KIR3DL2: variants seen among roughly 807,000 people sequenced by gnomAD.
KIR3DL2 encodes the protein killer cell immunoglobulin like receptor, three Ig domains and long cytoplasmic tail 2.
A neutral mutation model predicts 41.6 loss-of-function variants in KIR3DL2; 42 were observed. The observed-to-expected ratio is 1.01, with a 90% CI of 0.79 to 1.31. The LOEUF (loss-of-function observed/expected upper bound fraction) is 1.31, where lower values mean the gene tolerates loss of function less well. KIR3DL2 is among the 50% of genes most tolerant of loss of function. The pLI is 0.00. For missense variants in KIR3DL2, 728 were observed against 576.8 expected, an observed-to-expected ratio of 1.26 and a Z score of -2.68; for synonymous variants, 230 against 221.3, an observed-to-expected ratio of 1.04 and a Z score of -0.35.
At chr19:54,864,770 G>A (rs1408251432) in intron 6 of KIR3DL2, among the ~76,000 whole-genome samples, 4 of 151,714 alleles carry the variant, frequency 2.6e-5, no homozygotes, top group Non-Finnish European at 5.9e-5. Context: ...GAGACAATGG[G>A]GTTTTCTATA....
chr19:54,855,295 T>C (rs2064655383), intron 4 of KIR3DL2, among the ~76,000 whole-genome samples: 2 of 151,720 alleles, frequency 1.3e-5, no homozygotes, highest in African/African-American at 2.4e-5. Flanking sequence ...GATAGAAATA[T>C]GCAGAAAGTT....
chr19:54,855,741 G>T lies in KIR3DL2; in HGVS notation c.778G>T (p.Glu260Ter). 2.5e-6 allele frequency: 4 copies of T among 1,613,490 alleles called. No homozygotes were observed. The highest frequency in any genetic ancestry group is 4.5e-5 in the East Asian group (2 of 44,878). ...YDIYHLSREG[E>*]AHERRLRAVP... ...CATCTACCATCTGTCCAGGGAAGGGGAGGCCCATGAACGTAGGCTCCGTGC... is the reference window on the plus strand; with the variant it reads ...CATCTACCATCTGTCCAGGGAAGGGTAGGCCCATGAACGTAGGCTCCGTGC... The change falls in exon 5 of 9, where the codon GAG becomes TAG. Residue 260 changes from glutamate to a stop codon, truncating the protein, a stop_gained. Transcript: ENST00000326321. LOFTEE classifies it high-confidence loss of function.
At chr19:54,859,413 A>C (rs2065016377) in intron 6 of KIR3DL2, among the ~76,000 whole-genome samples, 1 of 152,118 alleles carries the variant, frequency 6.6e-6, no homozygotes, top group Non-Finnish European at 1.5e-5. Context: ...TTCTGCCTGC[A>C]TTCCTAACTG....
At position 54,852,023 on chromosome 19, in the gene KIR3DL2, T is replaced by G; in HGVS notation, c.96T>G (p.Ser32=). The G allele has an allele frequency of 6.2e-7, 1 of 1,611,244 alleles. No homozygotes were observed. The highest frequency in any genetic ancestry group is 8.5e-7 in the Non-Finnish European group (1 of 1,178,524). Reference sequence around the variant, plus strand: ...GTGGTCAGGACAAACCCTTCCTGTCTGCCCGGCCCAGCACTGTGGTGCCTC... The same window carrying G: ...GTGGTCAGGACAAACCCTTCCTGTCGGCCCGGCCCAGCACTGTGGTGCCTC... ...LMGGQDKPFL[S]ARPSTVVPRG... Residue 32 remains serine (S), a synonymous_variant, in exon 3 of 9, where the codon TCT becomes TCG. Transcript: ENST00000326321.
intron 3 of KIR3DL2, among the ~76,000 whole-genome samples, chr19:54,853,422 A>G (rs1474588496): frequency 4.0e-5 from 6 of 151,838 alleles, no homozygotes; most frequent in Non-Finnish European, 8.8e-5. Flanking sequence ...GGCTGCTGAG[A>G]GCCTGGACAT....
chr19:54,853,818 C>A lies in KIR3DL2; in HGVS notation c.427C>A (p.Gln143Lys). The A allele has an allele frequency of 6.2e-7, 1 of 1,612,868 alleles. No homozygotes were observed. The highest frequency in any genetic ancestry group is 8.5e-7 in the Non-Finnish European group (1 of 1,179,482). ...GAAATCAGGAGAGACAGTCATCCTGCAATGTTGGTCAGATGTCATGTTTGA... is the reference window on the plus strand; with the variant it reads ...GAAATCAGGAGAGACAGTCATCCTGAAATGTTGGTCAGATGTCATGTTTGA... ...LLKSGETVILQCWSDVMFEHF... is the reference protein window; with the variant it reads ...LLKSGETVILKCWSDVMFEHF... The change falls in exon 4 of 9, where the codon CAA becomes AAA. Residue 143 changes from glutamine to lysine, a missense_variant. Gln to Lys is a moderately conservative substitution (Grantham distance 53, BLOSUM62 1). Coordinates refer to ENST00000326321, the MANE Select transcript of KIR3DL2 (RefSeq NM_006737.4).
chr19:54,852,956 A>G (rs2064411431), intron 3 of KIR3DL2, among the ~76,000 whole-genome samples: 1 of 149,138 alleles, frequency 6.7e-6, no homozygotes, highest in East Asian at 2.0e-4. Context: ...AGGAAACCAA[A>G]CAAGGATAGC....
chr19:54,851,977 C>G, intron 2 of KIR3DL2, 21 bp from the exon 3 acceptor site: 1 of 1,604,510 alleles, frequency 6.2e-7, no homozygotes, highest in Non-Finnish European at 8.5e-7. Flanking sequence ...CTCTCTAAGG[C>G]AGTGCCTCCT....
At chr19:54,852,459 C>T (rs535144202) in intron 3 of KIR3DL2, among the ~76,000 whole-genome samples, 177 bp downstream of exon 3, 7 of 151,548 alleles carry the variant, frequency 4.6e-5, no homozygotes, top group Admixed American at 2.6e-4. Flanking sequence ...CCAATGATGG[C>T]TACATTGTAA....
intron 6 of KIR3DL2, 53 bp from the exon 7 acceptor site, chr19:54,865,752 A>G (rs1439281220): frequency 1.4e-6 from 2 of 1,455,240 alleles, no homozygotes; most frequent in Non-Finnish European, 9.6e-7. Flanking sequence ...GAGACAATCC[A>G]TAAAGAGGAA....
intron 6 of KIR3DL2, among the ~76,000 whole-genome samples, chr19:54,862,625 T>C (rs114004151): frequency 0.043 from 6,469 of 151,992 alleles, 182 homozygotes; most frequent in Middle Eastern, 0.092. Flanking sequence ...TAGCCCAGCC[T>C]GGGTTTTGTA....
At chr19:54,851,159 G>A (rs2064195241) in intron 1 of KIR3DL2, 61 bp from the exon 2 acceptor site, 15 of 1,591,984 alleles carry the variant, frequency 9.4e-6, no homozygotes, top group Middle Eastern at 1.7e-4. Flanking sequence ...AGTGCAGTGG[G>A]GGCAGCAGGG....
chr19:54,860,393 C>G (rs1019384043), intron 6 of KIR3DL2, among the ~76,000 whole-genome samples: 1 of 151,972 alleles, frequency 6.6e-6, no homozygotes, highest in South Asian at 2.1e-4. Flanking sequence ...TTTATTGAGA[C>G]GGAGCCTTGC....
chr19:54,854,982 G>A (rs1380544608), intron 4 of KIR3DL2, among the ~76,000 whole-genome samples: 3 of 151,544 alleles, frequency 2.0e-5, no homozygotes, highest in Admixed American at 1.3e-4. Context: ...TAAATAGGTA[G>A]ATGATAGATA....
rs187357873 is a variant in KIR3DL2 at position 54,862,391 on chromosome 19, G to A, written c.1000+3262G>A. Among the ~76,000 whole-genome samples the A allele has an allele frequency of 9.9e-5, 15 of 152,220 alleles. No homozygotes were observed. The East Asian group carries it at 2.5e-3, about 25-fold the overall frequency. On this transcript the variant is annotated intron_variant, in intron 6 of 8. Transcript: ENST00000326321. ...CCAGAGAAGACTCTAAACACCTGCT[G>A]TACTGCACCTGGGCCTATGCCAATT...
intron 5 of KIR3DL2, among the ~76,000 whole-genome samples, chr19:54,858,092 T>C (rs1247296727): frequency 6.6e-6 from 1 of 151,716 alleles, no homozygotes; most frequent in Non-Finnish European, 1.5e-5. Flanking sequence ...GCTCCTATTT[T>C]GTGGGTTGTC....
chr19:54,855,619 G>T lies in KIR3DL2; in HGVS notation c.656G>T (p.Gly219Val). 1 of 1,612,558 alleles carries T rather than the reference G, an allele frequency of 6.2e-7. No homozygotes were observed. Among genetic ancestry groups the T allele is most frequent in the East Asian group, 2.2e-5 (1 of 44,870 alleles). The change falls in exon 5 of 9, where the codon GGT becomes GTT. Residue 219 changes from glycine to valine, a missense_variant and splice_region_variant. Gly to Val is a moderately radical substitution (Grantham distance 109). Coordinates refer to ENST00000326321, the MANE Select transcript of KIR3DL2 (RefSeq NM_006737.4). Reference protein sequence around the residue: ...PSDPLDIVITGLYEKPSLSAQ... With the variant: ...PSDPLDIVITVLYEKPSLSAQ... ...AGGAAACTGCCTCTTCTCCTTCCAG[G>T]TCTATATGAGAAACCTTCTCTCTCA... is the stretch of plus-strand genomic sequence containing the variant.
chr19:54,858,434 A>T (rs1331441308), intron 5 of KIR3DL2, among the ~76,000 whole-genome samples: 1 of 148,916 alleles, frequency 6.7e-6, no homozygotes, highest in East Asian at 1.9e-4. Context: ...CCTTTGTCAA[A>T]GTCCATTAAA....
chr19:54,860,183 C>T (rs1569524854), intron 6 of KIR3DL2, among the ~76,000 whole-genome samples: 1 of 151,958 alleles, frequency 6.6e-6, no homozygotes, highest in Non-Finnish European at 1.5e-5. Context: ...AGGACATGGA[C>T]ATTTTTGGGG....
Sources: gnomAD v4.1 joint callset for allele counts (sites outside exome capture counted in the v4.1 genomes callset) on GRCh38, gnomAD v4.1.1 for gene constraint, MANE v1.5 for transcripts, NCBI Gene and HGNC (gene_info 2026-07-23, HGNC 2026-07-21) for gene names.